SNTB1: variants seen among roughly 807,000 people sequenced by gnomAD.
SNTB1 encodes beta-1-syntrophin.
A neutral mutation model predicts 48.9 loss-of-function variants in SNTB1; 36 were observed. That is an observed-to-expected ratio of 0.74 (90% CI 0.56 to 0.97). The LOEUF is 0.97. Among genes scored for constraint, SNTB1 ranks in the 50% least tolerant of loss-of-function variants. The pLI is 0.00. For missense variants in SNTB1, 786 were observed against 703.4 expected, an observed-to-expected ratio of 1.12 and a Z score of -1.33; for synonymous variants, 299 against 294.6, an observed-to-expected ratio of 1.01 and a Z score of -0.15.
At chr8:120,677,208 G>A (rs1012215720) in intron 2 of SNTB1, among the ~76,000 whole-genome samples, 9 of 152,188 alleles carry the variant, frequency 5.9e-5, no homozygotes, top group African/African-American at 1.9e-4. Context: ...TCTGGCTCAT[G>A]CACCTTGTTT....
chr8:120,726,022 G>A (rs1157638526), intron 1 of SNTB1, among the ~76,000 whole-genome samples: 1 of 152,128 alleles, frequency 6.6e-6, no homozygotes, highest in Non-Finnish European at 1.5e-5. Context: ...GTAAGCCTGG[G>A]TGTTCAGTGC....
intron 1 of SNTB1, among the ~76,000 whole-genome samples, chr8:120,741,557 C>T (rs990892262): frequency 1.4e-4 from 21 of 152,092 alleles, no homozygotes; most frequent in Non-Finnish European, 1.5e-5. Context: ...TGCAGTGAGC[C>T]GAGGTCACGC....
chr8:120,551,163 G>GAA (rs1815472909), intron 4 of SNTB1, among the ~76,000 whole-genome samples: 1 of 148,636 alleles, frequency 6.7e-6, no homozygotes, highest in African/African-American at 2.5e-5. Flanking sequence ...GGCTGAGGCA[G>GAA]AAAACTGCTT....
chr8:120,646,178 C>T (rs1365609143), intron 2 of SNTB1, among the ~76,000 whole-genome samples: 1 of 138,204 alleles, frequency 7.2e-6, no homozygotes, highest in Non-Finnish European at 1.6e-5. Context: ...CCTCATTGCC[C>T]TGGCCAGAAC....
intron 3 of SNTB1, among the ~76,000 whole-genome samples, chr8:120,601,158 C>G (rs1182308051): frequency 6.6e-6 from 1 of 151,996 alleles, no homozygotes; most frequent in African/African-American, 2.4e-5. Flanking sequence ...CACTTTCACT[C>G]TGCGGAATAA....
intron 2 of SNTB1, among the ~76,000 whole-genome samples, chr8:120,669,653 C>T (rs1306404930): frequency 4.3e-5 from 2 of 46,076 alleles, no homozygotes; most frequent in Non-Finnish European, 7.2e-5. Flanking sequence ...GGGGTTTCAC[C>T]GTGTTAGCCA....
chr8:120,697,176 A>G (rs529487792), intron 1 of SNTB1, among the ~76,000 whole-genome samples: 7 of 152,370 alleles, frequency 4.6e-5, no homozygotes, highest in Non-Finnish European at 1.0e-4. Flanking sequence ...GTCTTAGCCT[A>G]GAAACAAATA....
At chr8:120,795,330 T>G (rs1468353191) in intron 1 of SNTB1, among the ~76,000 whole-genome samples, 1 of 151,848 alleles carries the variant, frequency 6.6e-6, no homozygotes, top group East Asian at 1.9e-4. Context: ...CTGGCATGCA[T>G]GAGAGCAAAA....
At chr8:120,586,470 C>T (rs1254793125) in intron 3 of SNTB1, among the ~76,000 whole-genome samples, 1 of 152,160 alleles carries the variant, frequency 6.6e-6, no homozygotes, top group Non-Finnish European at 1.5e-5. Flanking sequence ...TTCCTTGGCT[C>T]TTGGCTCTGC....
intron 3 of SNTB1, among the ~76,000 whole-genome samples, chr8:120,576,511 T>TC: frequency 6.6e-6 from 1 of 152,190 alleles, no homozygotes; most frequent in East Asian, 1.9e-4. Flanking sequence ...ATGTACGACT[T>TC]GAGTTCTGTA....
At chr8:120,593,910 C>T (rs544305075) in intron 3 of SNTB1, among the ~76,000 whole-genome samples, 1 of 152,258 alleles carries the variant, frequency 6.6e-6, no homozygotes, top group Admixed American at 6.5e-5. Flanking sequence ...CTTAAAATGG[C>T]ATCAGGCAGG....
intron 1 of SNTB1, among the ~76,000 whole-genome samples, chr8:120,757,863 T>A (rs1352297380): frequency 7.7e-6 from 1 of 130,002 alleles, no homozygotes; most frequent in Admixed American, 7.8e-5. Flanking sequence ...AGCAGGGACA[T>A]GTGAGCTTGG....
At chr8:120,799,640 T>C (rs1820183267) in intron 1 of SNTB1, among the ~76,000 whole-genome samples, 2 of 151,888 alleles carry the variant, frequency 1.3e-5, no homozygotes, top group Admixed American at 6.6e-5. Flanking sequence ...AATCAGTTTA[T>C]TAGTGGGTCA....
chr8:120,713,388 G>A (rs73321266), intron 1 of SNTB1, among the ~76,000 whole-genome samples: 4,722 of 152,198 alleles, frequency 0.031, 224 homozygotes, highest in African/African-American at 0.11. Context: ...CCGCAGAAAA[G>A]TAGCTGCTGA....
At chr8:120,686,997 A>C (rs1372767163) in intron 2 of SNTB1, among the ~76,000 whole-genome samples, 3 of 152,218 alleles carry the variant, frequency 2.0e-5, no homozygotes, top group Non-Finnish European at 4.4e-5. Flanking sequence ...TTCACAAACA[A>C]AGACTTACAG....
intron 4 of SNTB1, among the ~76,000 whole-genome samples, chr8:120,565,793 G>A (rs1815738486): frequency 6.6e-6 from 1 of 152,170 alleles, no homozygotes; most frequent in South Asian, 2.1e-4. Context: ...GAACGTCTGT[G>A]TCCCCCCAAA....
intron 1 of SNTB1, among the ~76,000 whole-genome samples, chr8:120,717,571 G>T (rs994306284): frequency 3.3e-5 from 5 of 152,178 alleles, no homozygotes; most frequent in African/African-American, 1.2e-4. Flanking sequence ...AAGCACTGAG[G>T]TTGCCTTTCT....
At chr8:120,758,791 C>G (rs965312601) in intron 1 of SNTB1, among the ~76,000 whole-genome samples, 33 of 152,246 alleles carry the variant, frequency 2.2e-4, no homozygotes, top group African/African-American at 7.9e-4. Flanking sequence ...GAGTGGTCAC[C>G]TAACTTTCCT....
At chr8:120,752,616 A>G (rs1199690749) in intron 1 of SNTB1, among the ~76,000 whole-genome samples, 2 of 152,164 alleles carry the variant, frequency 1.3e-5, no homozygotes, top group Non-Finnish European at 2.9e-5. Context: ...AGAATACTAC[A>G]CAGCCATAAA....
Sources: gnomAD v4.1 joint callset for allele counts (sites outside exome capture counted in the v4.1 genomes callset) on GRCh38, gnomAD v4.1.1 for gene constraint, MANE v1.5 for transcripts, NCBI Gene and HGNC (gene_info 2026-07-23, HGNC 2026-07-21) for gene names.